SH3BGRL2: variants seen among roughly 807,000 people sequenced by gnomAD.
SH3BGRL2 encodes SH3 domain-binding glutamic acid-rich-like protein 2.
A neutral mutation model predicts 14.8 loss-of-function variants in SH3BGRL2; 21 were observed. The observed-to-expected ratio is 1.42, with a 90% CI of 1.01 to 2.05. SH3BGRL2 has a LOEUF of 2.05. Among genes scored for constraint, SH3BGRL2 ranks in the 30% most tolerant of loss-of-function variants. The pLI is 0.00. For missense variants in SH3BGRL2, 147 were observed against 130.8 expected (o/e 1.12, Z -0.61); for synonymous variants, 50 against 47.8 (o/e 1.05, Z -0.19).
chr6:79,546,026 C>A, the SH3BGRL2 span, among the ~76,000 whole-genome samples: 1 of 151,846 alleles, frequency 6.6e-6, no homozygotes, highest in East Asian at 1.9e-4. Flanking sequence ...AATACATAAT[C>A]AATAGTACAA....
In SH3BGRL2 at chr6:79,699,875, C is replaced by G. The variant is rs973129560; in HGVS notation, c.*366C>G. ...AGTAGATGCCGGAATTGCGTAAACC[C>G]ACTTCTCTTTAAGCTGCCTGGATTG... On this transcript the variant is annotated 3_prime_UTR_variant, in exon 4 of 4. Transcript: ENST00000369838. The G allele has an allele frequency of 1.6e-5, 4 of 254,624 alleles. No homozygotes were observed. Among genetic ancestry groups the G allele is most frequent in the Non-Finnish European group, 2.9e-5 (4 of 136,376 alleles). The allele number at this position is 254,624 out of a possible 1,614,324, so 15.8% of individuals were successfully genotyped here. A position where few individuals can be genotyped will look rare whatever the true frequency, so the allele number is the denominator to read the frequency against.
intron 1 of SH3BGRL2, among the ~76,000 whole-genome samples, chr6:79,635,474 G>T (rs898873487): frequency 6.6e-6 from 1 of 152,196 alleles, no homozygotes; most frequent in Non-Finnish European, 1.5e-5. Context: ...ACTTACCCAG[G>T]TTCTGTATTA....
intron 3 of SH3BGRL2, among the ~76,000 whole-genome samples, chr6:79,699,124 T>C (rs541284927): frequency 2.0e-5 from 3 of 152,178 alleles, no homozygotes; most frequent in African/African-American, 2.4e-5. Flanking sequence ...CTAACAGATA[T>C]GGTCGTTCTA....
chr6:79,559,178 G>T, the SH3BGRL2 span, among the ~76,000 whole-genome samples: 14 of 152,264 alleles, frequency 9.2e-5, no homozygotes, highest in Admixed American at 6.5e-4. Flanking sequence ...AAGACCTGCA[G>T]ATAGACCAGG....
chr6:79,584,308 T>A, the SH3BGRL2 span, among the ~76,000 whole-genome samples: 1 of 152,196 alleles, frequency 6.6e-6, no homozygotes, highest in Non-Finnish European at 1.5e-5. Context: ...AAGGAATGTA[T>A]GCTTCATGTA....
At position 79,656,343 on chromosome 6, in the gene SH3BGRL2, G is replaced by A. The variant is rs117741035; in HGVS notation, c.46-17271G>A. Among the ~76,000 whole-genome samples the A allele has an allele frequency of 5.0e-3, 763 of 152,298 alleles. 6 individuals are homozygous for A. The highest frequency in any genetic ancestry group is 0.021 in the South Asian group (103 of 4,826). ...ATTAAGCTGGTGAATGGGTGGTGGT[G>A]CCATCGCTAAGATCTTCTGAATTTT... On this transcript the variant is annotated intron_variant, in intron 1 of 3. Coordinates refer to ENST00000369838, the MANE Select transcript of SH3BGRL2 (RefSeq NM_031469.4).
chr6:79,622,912 T>A, the SH3BGRL2 span, among the ~76,000 whole-genome samples: 1 of 152,216 alleles, frequency 6.6e-6, no homozygotes, highest in East Asian at 1.9e-4. Flanking sequence ...AATGGTCTTT[T>A]AAAAAGCTAT....
At chr6:79,568,429 G>A in the SH3BGRL2 span, among the ~76,000 whole-genome samples, 3 of 152,250 alleles carry the variant, frequency 2.0e-5, no homozygotes, top group Non-Finnish European at 2.9e-5. Flanking sequence ...ATGTGTCCAC[G>A]TGAATGACTC....
At chr6:79,581,664 C>G in the SH3BGRL2 span, among the ~76,000 whole-genome samples, 1 of 152,166 alleles carries the variant, frequency 6.6e-6, no homozygotes, top group African/African-American at 2.4e-5. Flanking sequence ...CTATCTGTGA[C>G]AAACCCACAG....
intron 2 of SH3BGRL2, among the ~76,000 whole-genome samples, chr6:79,685,414 C>A (rs933663278): frequency 7.9e-5 from 12 of 152,164 alleles, no homozygotes; most frequent in Non-Finnish European, 1.8e-4. Context: ...CTTCTTTCTG[C>A]AGCTTCCCTC....
chr6:79,654,077 C>G (rs1769356911), intron 1 of SH3BGRL2, among the ~76,000 whole-genome samples: 1 of 152,122 alleles, frequency 6.6e-6, no homozygotes, highest in African/African-American at 2.4e-5. Flanking sequence ...TTTGTGAACA[C>G]TTTTATAACT....
chr6:79,559,534 C>G, the SH3BGRL2 span, among the ~76,000 whole-genome samples: 1 of 152,104 alleles, frequency 6.6e-6, no homozygotes, highest in African/African-American at 2.4e-5. Flanking sequence ...AAATGTTCCT[C>G]CAAGAATAGA....
upstream of SH3BGRL2, among the ~76,000 whole-genome samples, chr6:79,627,725 T>A (rs1431526826): frequency 6.6e-6 from 1 of 152,216 alleles, no homozygotes. Flanking sequence ...TTTCCAATTC[T>A]TAAGTGTAGG....
At chr6:79,680,430 A>T (rs1769966613) in intron 2 of SH3BGRL2, among the ~76,000 whole-genome samples, 1 of 152,138 alleles carries the variant, frequency 6.6e-6, no homozygotes, top group Non-Finnish European at 1.5e-5. Context: ...CTGTGCTATT[A>T]GTCTATATGT....
chr6:79,547,172 G>A, the SH3BGRL2 span, among the ~76,000 whole-genome samples: 31 of 152,056 alleles, frequency 2.0e-4, no homozygotes, highest in African/African-American at 7.0e-4. Context: ...CTGAGAAGAG[G>A]ATAAGAACCA....
the SH3BGRL2 span, among the ~76,000 whole-genome samples, chr6:79,563,423 AT>A: frequency 6.6e-6 from 1 of 151,996 alleles, no homozygotes; most frequent in Non-Finnish European, 1.5e-5. Flanking sequence ...AGCTTGGTCT[AT>A]ATTAAGTCCC....
intron 2 of SH3BGRL2, among the ~76,000 whole-genome samples, chr6:79,684,131 A>G (rs1027275348): frequency 5.9e-5 from 9 of 152,196 alleles, no homozygotes; most frequent in Non-Finnish European, 1.3e-4. Context: ...TACATCTACT[A>G]TATGATACTT....
intron 1 of SH3BGRL2, among the ~76,000 whole-genome samples, chr6:79,658,504 G>A (rs1769470910): frequency 6.6e-6 from 1 of 152,142 alleles, no homozygotes; most frequent in African/African-American, 2.4e-5. Context: ...AGTATTCCAT[G>A]GTGTATATGT....
intron 1 of SH3BGRL2, among the ~76,000 whole-genome samples, chr6:79,668,802 A>G (rs950539484): frequency 7.9e-5 from 12 of 152,246 alleles, no homozygotes; most frequent in African/African-American, 2.7e-4. Context: ...TTAAACATGC[A>G]ACCACATACT....
Sources: allele counts gnomAD v4.1 joint callset (sites outside exome capture counted in the v4.1 genomes callset), GRCh38; gene constraint gnomAD v4.1.1; transcripts MANE v1.5; gene names NCBI Gene and HGNC (gene_info 2026-07-23, HGNC 2026-07-21).